DOCK8: variants seen among roughly 807,000 people sequenced by gnomAD.
The protein encoded by DOCK8 is dedicator of cytokinesis protein 8.
A neutral mutation model predicts 245.6 loss-of-function variants in DOCK8; 141 were observed. The ratio of observed to expected loss-of-function variants is 0.57; its 90% CI spans 0.50 to 0.66. DOCK8 has a LOEUF of 0.66. Ranked by LOEUF, DOCK8 falls within the 30% of genes least tolerant of loss-of-function variation. The pLI, the probability that DOCK8 is intolerant of heterozygous loss-of-function variation, is 0.00. For missense variants in DOCK8, 2,965 were observed against 2,603.4 expected, an observed-to-expected ratio of 1.14 and a Z score of -3.02; for synonymous variants, 1,168 against 970.2, an observed-to-expected ratio of 1.20 and a Z score of -3.79.
chr9:216,800 TG>T (rs2046766105), intron 1 of DOCK8, among the ~76,000 whole-genome samples: 1 of 152,096 alleles, frequency 6.6e-6, no homozygotes, highest in East Asian at 1.9e-4. Flanking sequence ...AGGGTTGATC[TG>T]GGGTGAGTGG....
At position 439,154 on chromosome 9, in the gene DOCK8, C is replaced by G. The variant is rs1325959601; in HGVS notation, c.5080-91C>G. 4 of 1,540,390 alleles carry G rather than the reference C, an allele frequency of 2.6e-6. No individual in the cohort carries two copies. The African/African-American group carries it at 5.5e-5, about 21-fold the overall frequency. ...CACGGTCTTGGTAAGGATCTGCACA[C>G]CAGCTTCCTCGTTTCCCCATTCGGG... On this transcript the variant is annotated intron_variant, in intron 39 of 47. Coordinates refer to ENST00000432829, the MANE Select transcript of DOCK8 (RefSeq NM_203447.4).
At chr9:386,239 TA>T (rs2053944987) in intron 22 of DOCK8, 91 bp from the exon 23 acceptor site, 18 of 1,085,424 alleles carry the variant, frequency 1.7e-5, no homozygotes, top group African/African-American at 6.3e-5. Flanking sequence ...AAAATATGTA[TA>T]AAAAAATGAA....
chr9:298,170 A>C (rs2049347165), intron 4 of DOCK8, among the ~76,000 whole-genome samples: 1 of 152,222 alleles, frequency 6.6e-6, no homozygotes, highest in African/African-American at 2.4e-5. Flanking sequence ...CATGCCTGTA[A>C]TCGCAGCACT....
rs372195661 is a variant in DOCK8, at chr9:397,666, G to A, written c.3120+732G>A. 9.9e-5 allele frequency among the ~76,000 whole-genome samples: 15 copies of A among 152,274 alleles called. No homozygotes were observed. In the East Asian group the frequency reaches 1.9e-3, roughly 20 times the overall value. The stretch of plus-strand genomic sequence containing the variant: ...GATGGTACCACAGCACTCCAGCCTG[G>A]GTGACAGAGTGAGACTCCATCTAAA... On this transcript the variant is annotated intron_variant, in intron 25 of 47. Transcript: ENST00000432829.
chr9:397,375 C>G (rs898933382), intron 25 of DOCK8, among the ~76,000 whole-genome samples: 2 of 129,990 alleles, frequency 1.5e-5, no homozygotes, highest in African/African-American at 5.6e-5. Context: ...AAAGAAATTG[C>G]AATATGGACT....
At chr9:443,681 TATAGTC>T (rs2057162402) in intron 43 of DOCK8, among the ~76,000 whole-genome samples, 165 bp downstream of exon 43, 1 of 152,148 alleles carries the variant, frequency 6.6e-6, no homozygotes, top group Admixed American at 6.5e-5. Flanking sequence ...TTAAAGAAAA[TATAGTC>T]AAAGGCAGGA....
rs1031105547 is a variant in DOCK8, at chr9:233,963, G to C, written c.53+18934G>C. On this transcript the variant is annotated intron_variant, in intron 1 of 47. Coordinates refer to ENST00000432829, the MANE Select transcript of DOCK8 (RefSeq NM_203447.4). The stretch of plus-strand genomic sequence containing the variant: ...TATGATGTTAGCTGGTTATTTTGCT[G>C]GTTAGTTGATGCAGTTTCTTCCTAG... Among the ~76,000 whole-genome samples, 15 of 152,154 alleles carry C rather than the reference G, an allele frequency of 9.9e-5. 1 individual carries two copies. The highest frequency in any genetic ancestry group is 6.8e-3 in the Middle Eastern group (2 of 294).
chr9:252,792 C>T (rs1200547298), intron 1 of DOCK8, among the ~76,000 whole-genome samples: 1 of 120,912 alleles, frequency 8.3e-6, no homozygotes, highest in African/African-American at 2.8e-5. Flanking sequence ...AGCAAGACTC[C>T]ATCTCAAAAA....
chr9:449,834 C>T lies in DOCK8; in HGVS notation c.5868C>T (p.Thr1956=), dbSNP rs757384331. ...EVAIEDMKKK[T]LQLAVAINQE... ...CCATTGAAGACATGAAGAAGAAGAC[C>T]CTGCAGTTAGCAGTTGCCATTAACC... Residue 1956 remains threonine, a synonymous_variant, in exon 45 of 48, where the codon ACC becomes ACT. Transcript: ENST00000432829. 89 of 1,613,258 alleles carry T rather than the reference C, an allele frequency of 5.5e-5. No homozygotes were observed. Among genetic ancestry groups the T allele is most frequent in the Middle Eastern group, 5.4e-4 (3 of 5,544 alleles).
At chr9:412,641 T>C (rs190323804) in intron 28 of DOCK8, among the ~76,000 whole-genome samples, 110 of 151,854 alleles carry the variant, frequency 7.2e-4, no homozygotes, top group African/African-American at 2.6e-3. Context: ...GAAAATGAAA[T>C]TAAGAAAACA....
intron 3 of DOCK8, among the ~76,000 whole-genome samples, chr9:288,515 A>T (rs2048914433): frequency 6.6e-6 from 1 of 152,258 alleles, no homozygotes; most frequent in African/African-American, 2.4e-5. Flanking sequence ...TGATTGCCTC[A>T]GTGCATAATG....
chr9:366,945 G>T (rs181197287), intron 14 of DOCK8, among the ~76,000 whole-genome samples: 2 of 152,174 alleles, frequency 1.3e-5, no homozygotes, highest in Non-Finnish European at 2.9e-5. Context: ...TTATCTGAGA[G>T]AATACAGTGG....
chr9:304,884 T>C (rs1057497676), intron 5 of DOCK8, among the ~76,000 whole-genome samples, 180 bp downstream of exon 5: 2 of 152,092 alleles, frequency 1.3e-5, no homozygotes, highest in Non-Finnish European at 2.9e-5. Flanking sequence ...AAATTGGTGT[T>C]CAAATGAAAA....
chr9:429,110 G>T (rs1417499990), intron 35 of DOCK8, among the ~76,000 whole-genome samples: 1 of 152,184 alleles, frequency 6.6e-6, no homozygotes, highest in Non-Finnish European at 1.5e-5. Context: ...GGGATTATAG[G>T]CGTGTGCCAC....
At chr9:387,971 C>T (rs1196858808) in intron 23 of DOCK8, among the ~76,000 whole-genome samples, 1 of 152,172 alleles carries the variant, frequency 6.6e-6, no homozygotes, top group African/African-American at 2.4e-5. Flanking sequence ...CCTTAGCAGA[C>T]AGAGTTTTGC....
At chr9:323,051 C>T (rs1026689850) in intron 7 of DOCK8, among the ~76,000 whole-genome samples, 1 of 149,988 alleles carries the variant, frequency 6.7e-6, no homozygotes, top group African/African-American at 2.5e-5. Context: ...CGAGGTTGCA[C>T]CATTGCACTC....
At position 464,276 on chromosome 9, in the gene DOCK8, C is replaced by A; in HGVS notation, c.*57C>A. The stretch of plus-strand genomic sequence containing the variant: ...CCCTGCAACCCTGGAGAAGGACTTG[C>A]TGGTACTTAAAAAATGGGACATTTG... On this transcript the variant is annotated 3_prime_UTR_variant, in exon 48 of 48. Transcript: ENST00000432829. 2.0e-6 allele frequency: 3 copies of A among 1,476,584 alleles called. No individual in the cohort carries two copies. Among genetic ancestry groups the A allele is most frequent in the Non-Finnish European group, 1.9e-6 (2 of 1,054,650 alleles). The allele number at this position is 1,476,584 out of a possible 1,614,324, so 91.5% of individuals were successfully genotyped here. A position where few individuals can be genotyped will look rare whatever the true frequency, so the allele number is the denominator to read the frequency against.
chr9:269,843 C>T (rs889378834), intron 1 of DOCK8, among the ~76,000 whole-genome samples: 2 of 152,172 alleles, frequency 1.3e-5, no homozygotes, highest in East Asian at 3.8e-4. Flanking sequence ...CAGGTGTGAG[C>T]CACCACACAC....
intron 2 of DOCK8, among the ~76,000 whole-genome samples, chr9:283,358 G>A (rs917724099): frequency 1.3e-5 from 2 of 152,142 alleles, no homozygotes; most frequent in African/African-American, 2.4e-5. Flanking sequence ...CTGACCTCAC[G>A]TGATAGGTCA....
Sources: allele counts gnomAD v4.1 joint callset (sites outside exome capture counted in the v4.1 genomes callset), GRCh38; gene constraint gnomAD v4.1.1; transcripts MANE v1.5; gene names NCBI Gene and HGNC (gene_info 2026-07-23, HGNC 2026-07-21).